Variants in COL24A1 observed in about 807,000 individuals in gnomAD.
COL24A1 encodes collagen alpha-1(XXIV) chain.
Under a neutral mutation model 253.9 loss-of-function variants are expected in COL24A1, and 224 were observed. The ratio of observed to expected loss-of-function variants is 0.88; its 90% CI spans 0.79 to 0.99. COL24A1 has a LOEUF of 0.99. Among genes scored for constraint, COL24A1 ranks in the 50% least tolerant of loss-of-function variants. The pLI is 0.00. For synonymous variants in COL24A1, 685 were observed against 673.7 expected, an observed-to-expected ratio of 1.02 and a Z score of -0.26; for missense variants, 2,131 against 2,068.5, an observed-to-expected ratio of 1.03 and a Z score of -0.59.
At chr1:85,801,190 C>T (rs1000875507) in intron 47 of COL24A1, among the ~76,000 whole-genome samples, 5 of 152,164 alleles carry the variant, frequency 3.3e-5, no homozygotes, top group Admixed American at 1.3e-4. Flanking sequence ...GAGTTCCTCA[C>T]AGCTTGGTTC....
chr1:85,806,274 T>C (rs184521530), intron 47 of COL24A1, among the ~76,000 whole-genome samples: 1 of 152,194 alleles, frequency 6.6e-6, no homozygotes, highest in Non-Finnish European at 1.5e-5. Flanking sequence ...TAAAAGTCTG[T>C]AACTAGCTAA....
At chr1:85,949,108 C>T (rs1295455207) in intron 24 of COL24A1, among the ~76,000 whole-genome samples, 1 of 152,014 alleles carries the variant, frequency 6.6e-6, no homozygotes, top group African/African-American at 2.4e-5. Context: ...TTACTCTTAC[C>T]CGTTTTGTTA....
intron 37 of COL24A1, among the ~76,000 whole-genome samples, chr1:85,862,980 C>T (rs1679337013): frequency 6.6e-6 from 1 of 152,152 alleles, no homozygotes; most frequent in African/African-American, 2.4e-5. Flanking sequence ...TTTGTGTCCT[C>T]TTTTATTTCA....
In COL24A1 at chr1:85,734,742, T is replaced by G. The variant is rs1207602545; in HGVS notation, c.4998+7A>C. 6.2e-7 allele frequency: 1 copy of G among 1,611,230 alleles called. No homozygotes were observed. The highest frequency in any genetic ancestry group is 2.2e-5 in the East Asian group (1 of 44,872). On this transcript the variant is annotated splice_region_variant and intron_variant, in intron 59 of 59. Coordinates refer to ENST00000370571, the MANE Select transcript of COL24A1 (RefSeq NM_152890.7). ...ATTGAACAATTCTAAAAGTGCCATT[T>G]CCTTACCTTGCAGTCATCTGAAAGC... is the stretch of plus-strand genomic sequence containing the variant.
intron 7 of COL24A1, among the ~76,000 whole-genome samples, chr1:86,074,473 T>C (rs1464241799): frequency 1.3e-5 from 2 of 152,182 alleles, no homozygotes; most frequent in African/African-American, 4.8e-5. Flanking sequence ...CTTAGAGATC[T>C]ACAAAGAGAC....
intron 8 of COL24A1, among the ~76,000 whole-genome samples, chr1:86,059,868 A>G (rs1700949278): frequency 6.6e-6 from 1 of 152,148 alleles, no homozygotes; most frequent in South Asian, 2.1e-4. Context: ...CCATGTGAGA[A>G]TACAATAAAA....
chr1:85,926,639 G>A (rs551379740), intron 24 of COL24A1, among the ~76,000 whole-genome samples: 10 of 152,062 alleles, frequency 6.6e-5, no homozygotes, highest in Non-Finnish European at 1.2e-4. Context: ...GACACAGGGC[G>A]GGGAACATCA....
intron 10 of COL24A1, among the ~76,000 whole-genome samples, chr1:86,054,107 G>A (rs2101707596): frequency 6.6e-6 from 1 of 152,196 alleles, no homozygotes; most frequent in South Asian, 2.1e-4. Context: ...GAATGAAATT[G>A]GACTCCTACC....
At position 85,812,928 on chromosome 1, in the gene COL24A1, A is replaced by G. The variant is rs374574726; in HGVS notation, c.3951+3860T>C. Among the ~76,000 whole-genome samples the G allele has an allele frequency of 9.8e-5, 15 of 152,286 alleles. No individual in the cohort carries two copies. In the South Asian group the frequency reaches 3.1e-3, roughly 32 times the overall value. On this transcript the variant is annotated intron_variant, in intron 47 of 59. Transcript: ENST00000370571. The stretch of plus-strand genomic sequence containing the variant: ...CCAACATTGAGCTCCCAACAAGGCA[A>G]TGCTCCCTGGGAGATAAGTTGGAGC...
At chr1:86,026,674 C>A (rs1319404019) in intron 14 of COL24A1, among the ~76,000 whole-genome samples, 1 of 152,168 alleles carries the variant, frequency 6.6e-6, no homozygotes, top group Non-Finnish European at 1.5e-5. Flanking sequence ...GGTGTGAGAA[C>A]TGGCTATTAC....
intron 19 of COL24A1, among the ~76,000 whole-genome samples, chr1:85,989,969 G>A (rs997176800): frequency 2.6e-5 from 4 of 152,086 alleles, no homozygotes; most frequent in African/African-American, 7.2e-5. Context: ...GGCTTGTTTT[G>A]TTTTCCTAAT....
At chr1:85,797,528 T>C (rs1021135626) in intron 47 of COL24A1, among the ~76,000 whole-genome samples, 4 of 152,192 alleles carry the variant, frequency 2.6e-5, no homozygotes, top group Non-Finnish European at 4.4e-5. Flanking sequence ...GGGGAAATAA[T>C]AGAATTTTGG....
At chr1:85,924,332 C>G (rs1686924200) in intron 24 of COL24A1, among the ~76,000 whole-genome samples, 1 of 152,202 alleles carries the variant, frequency 6.6e-6, no homozygotes, top group African/African-American at 2.4e-5. Context: ...AGGCCAGCAT[C>G]ATCCTGATAC....
chr1:85,874,971 G>A (rs1680967639), intron 34 of COL24A1, among the ~76,000 whole-genome samples: 1 of 152,150 alleles, frequency 6.6e-6, no homozygotes, highest in Non-Finnish European at 1.5e-5. Context: ...GAGGGATCTG[G>A]GTTGCTCAGT....
At chr1:85,879,103 T>C (rs2102634856) in intron 32 of COL24A1, among the ~76,000 whole-genome samples, 1 of 152,258 alleles carries the variant, frequency 6.6e-6, no homozygotes, top group East Asian at 1.9e-4. Flanking sequence ...AACTTACCAG[T>C]TTTTTCTTTC....
At chr1:86,149,481 T>C (rs1217513559) in intron 1 of COL24A1, among the ~76,000 whole-genome samples, 1 of 152,222 alleles carries the variant, frequency 6.6e-6, no homozygotes, top group African/African-American at 2.4e-5. Flanking sequence ...AACTGCTTAC[T>C]TAGGATTACA....
rs975635952 is a variant in COL24A1, at chr1:86,024,391, G to A, written c.2050-1384C>T. Among the ~76,000 whole-genome samples the A allele has an allele frequency of 5.9e-5, 9 of 152,046 alleles. No homozygotes were observed. In the South Asian group the frequency reaches 1.7e-3, roughly 28 times the overall value. On this transcript the variant is annotated intron_variant, in intron 14 of 59. Transcript: ENST00000370571. ...GCAGATAATGGTTCTGAAATAAAGT[G>A]TAGAATGAATACTGAAGGGATTAAT...
chr1:85,880,724 GT>G (rs34218225), intron 32 of COL24A1, among the ~76,000 whole-genome samples: 1 of 150,470 alleles, frequency 6.6e-6, no homozygotes, highest in African/African-American at 2.4e-5. Context: ...AAGTTTGAGA[GT>G]TTTTTTTTTA....
intron 35 of COL24A1, among the ~76,000 whole-genome samples, chr1:85,869,312 G>A (rs960390949): frequency 6.6e-6 from 1 of 152,016 alleles, no homozygotes; most frequent in Non-Finnish European, 1.5e-5. Flanking sequence ...AAAGATTAAG[G>A]CTCTGCAACG....
Sources: allele counts gnomAD v4.1 joint callset (sites outside exome capture counted in the v4.1 genomes callset), GRCh38; gene constraint gnomAD v4.1.1; transcripts MANE v1.5; gene names NCBI Gene and HGNC (gene_info 2026-07-23, HGNC 2026-07-21).